The following PPM1E variants were observed in gnomAD, a reference collection of about 807,000 sequenced individuals.
PPM1E encodes the protein protein phosphatase, Mg2+/Mn2+ dependent 1E.
Under a neutral mutation model 65.9 loss-of-function variants are expected in PPM1E, and 20 were observed. The ratio of observed to expected loss-of-function variants is 0.30; its 90% confidence interval spans 0.21 to 0.44. The LOEUF (loss-of-function observed/expected upper bound fraction) is 0.44. Among genes scored for constraint, PPM1E ranks in the 20% least tolerant of loss-of-function variants. The pLI is 1.00. For synonymous variants in PPM1E, 352 were observed against 374.9 expected, an observed-to-expected ratio of 0.94 and a Z score of 0.70; for missense variants, 713 against 953.1, an observed-to-expected ratio of 0.75 and a Z score of 3.32.
intron 1 of PPM1E, among the ~76,000 whole-genome samples, chr17:58,849,879 G>T (rs867789699): frequency 2.6e-5 from 4 of 152,060 alleles, no homozygotes; most frequent in African/African-American, 7.2e-5. Flanking sequence ...GTTGACAGTG[G>T]GGTGTTAAAG....
chr17:58,960,659 C>T (rs1247906514), intron 2 of PPM1E, among the ~76,000 whole-genome samples: 1 of 151,000 alleles, frequency 6.6e-6, no homozygotes, highest in Non-Finnish European at 1.5e-5. Context: ...CCTGTAATCC[C>T]AGCTACTCGG....
intron 6 of PPM1E, among the ~76,000 whole-genome samples, chr17:58,974,044 C>T (rs2030838874): frequency 6.7e-6 from 1 of 150,002 alleles, no homozygotes; most frequent in Non-Finnish European, 1.5e-5. Context: ...GGAAGGATTG[C>T]TTGAGTCCAG....
At chr17:58,965,005 A>C (rs2030176018) in intron 2 of PPM1E, among the ~76,000 whole-genome samples, 1 of 151,504 alleles carries the variant, frequency 6.6e-6, no homozygotes. Flanking sequence ...AGATCACGCC[A>C]TTGCACTCCA....
At chr17:58,976,633 A>G (rs537373540) in intron 6 of PPM1E, among the ~76,000 whole-genome samples, 49 of 152,356 alleles carry the variant, frequency 3.2e-4, no homozygotes, top group Non-Finnish European at 6.9e-4. Context: ...AAGAGGTTGA[A>G]GACAAAAGGA....
intron 1 of PPM1E, among the ~76,000 whole-genome samples, chr17:58,842,226 G>C (rs2050726684): frequency 6.6e-6 from 1 of 152,150 alleles, no homozygotes; most frequent in Non-Finnish European, 1.5e-5. Flanking sequence ...CTCAAAAAGA[G>C]AAAGTCTGAG....
chr17:58,897,488 T>C (rs1170386059), intron 1 of PPM1E, among the ~76,000 whole-genome samples: 1 of 152,122 alleles, frequency 6.6e-6, no homozygotes, highest in Non-Finnish European at 1.5e-5. Context: ...AGAGCTCTGA[T>C]GGAGATGTAC....
At chr17:58,768,147 TCAC>T (rs986610622) in intron 1 of PPM1E, among the ~76,000 whole-genome samples, 3 of 152,142 alleles carry the variant, frequency 2.0e-5, no homozygotes, top group Non-Finnish European at 4.4e-5. Context: ...AGATGGGGTT[TCAC>T]CATGTTGGCC....
At chr17:58,927,947 C>T (rs1485873677) in intron 1 of PPM1E, among the ~76,000 whole-genome samples, 7 of 151,878 alleles carry the variant, frequency 4.6e-5, no homozygotes, top group Non-Finnish European at 2.9e-5. Context: ...GTAGTCCCAG[C>T]TACTCAGGAG....
Position 58,816,772 on chromosome 17 carries a change from ATATATATATATATATATATATATTTTT to A in PPM1E, c.464+60313_464+60339del, listed in dbSNP as rs1410674656. On this transcript the variant is annotated intron_variant, in intron 1 of 6. Coordinates refer to ENST00000308249, the MANE Select transcript of PPM1E (RefSeq NM_014906.5). ...TATATATATATATATATATATATAT[ATATATATATATATATATATATATTTTT>A]TTTTTTTTTTTTTTGAGACAGGGTC... is the stretch of plus-strand genomic sequence containing the variant. 8.7e-3 allele frequency among the ~76,000 whole-genome samples: 157 copies of A among 18,006 alleles called. 1 individual carries two copies. Among genetic ancestry groups the A allele is most frequent in the Non-Finnish European group, 0.012 (97 of 7,788 alleles). 11.8% of individuals were successfully genotyped at this position (18,006 alleles called of 152,430 possible). A position where few individuals can be genotyped will look rare whatever the true frequency, so the allele number is the denominator to read the frequency against.
At chr17:58,922,442 T>A (rs2051764810) in intron 1 of PPM1E, among the ~76,000 whole-genome samples, 1 of 151,754 alleles carries the variant, frequency 6.6e-6, no homozygotes, top group Admixed American at 6.6e-5. Context: ...TTTGTAGAGA[T>A]GGGATATTGC....
At chr17:58,841,323 G>T (rs777274947) in intron 1 of PPM1E, among the ~76,000 whole-genome samples, 1 of 152,022 alleles carries the variant, frequency 6.6e-6, no homozygotes, top group Non-Finnish European at 1.5e-5. Flanking sequence ...GTGGAGAGTG[G>T]GAGGAAAGGA....
At chr17:58,796,361 C>T (rs1598576448) in intron 1 of PPM1E, among the ~76,000 whole-genome samples, 2 of 152,112 alleles carry the variant, frequency 1.3e-5, no homozygotes, top group South Asian at 4.2e-4. Flanking sequence ...TTTCCCATGG[C>T]ACTTTATTTA....
At chr17:58,956,695 C>A (rs995590139) in intron 2 of PPM1E, among the ~76,000 whole-genome samples, 1 of 152,064 alleles carries the variant, frequency 6.6e-6, no homozygotes, top group Non-Finnish European at 1.5e-5. Context: ...TAGGCTTATA[C>A]ATATTTGACA....
chr17:58,915,667 C>T (rs1294818899), intron 1 of PPM1E, among the ~76,000 whole-genome samples: 1 of 152,180 alleles, frequency 6.6e-6, no homozygotes, highest in Non-Finnish European at 1.5e-5. Flanking sequence ...AATTTTACAT[C>T]TTTATAATTC....
chr17:58,926,973 A>G (rs536393094), intron 1 of PPM1E, among the ~76,000 whole-genome samples: 9 of 152,266 alleles, frequency 5.9e-5, no homozygotes, highest in Non-Finnish European at 1.2e-4. Flanking sequence ...ATTGACTAAC[A>G]TTGAATTCAG....
At chr17:58,892,947 T>C (rs1341748412) in intron 1 of PPM1E, among the ~76,000 whole-genome samples, 2 of 152,114 alleles carry the variant, frequency 1.3e-5, no homozygotes, top group African/African-American at 2.4e-5. Context: ...ATCCAAAACC[T>C]TGACAACACC....
At chr17:58,769,932 C>A (rs2049919669) in intron 1 of PPM1E, among the ~76,000 whole-genome samples, 1 of 152,022 alleles carries the variant, frequency 6.6e-6, no homozygotes, top group Non-Finnish European at 1.5e-5. Flanking sequence ...GAGGTTGAGG[C>A]AGGAGAATTG....
intron 1 of PPM1E, among the ~76,000 whole-genome samples, chr17:58,886,779 A>C (rs1461139548): frequency 6.6e-6 from 1 of 152,234 alleles, no homozygotes; most frequent in Non-Finnish European, 1.5e-5. Context: ...TAAGTGAAAG[A>C]GCCACATGCA....
chr17:58,867,892 T>G (rs1476585810), intron 1 of PPM1E, among the ~76,000 whole-genome samples: 1 of 152,164 alleles, frequency 6.6e-6, no homozygotes, highest in Non-Finnish European at 1.5e-5. Context: ...GGAACCTAAC[T>G]GAAAAACTAT....
Sources: allele counts gnomAD v4.1 joint callset (sites outside exome capture counted in the v4.1 genomes callset), GRCh38; gene constraint gnomAD v4.1.1; transcripts MANE v1.5; gene names NCBI Gene and HGNC (gene_info 2026-07-23, HGNC 2026-07-21).